LRRTM4: variants seen among roughly 807,000 people sequenced by gnomAD.
The protein encoded by LRRTM4 is leucine rich repeat transmembrane neuronal 4.
LRRTM4 carries 25 observed loss-of-function variants against 47.6 expected under a neutral mutation model. That is an observed-to-expected ratio of 0.53 (90% confidence interval 0.38 to 0.73). The LOEUF (loss-of-function observed/expected upper bound fraction) is 0.73. Ranked by LOEUF, LRRTM4 falls within the 30% of genes least tolerant of loss-of-function variation. The pLI is 0.00. For synonymous variants in LRRTM4, 311 were observed against 269.5 expected, an observed-to-expected ratio of 1.15 and a Z score of -1.51; for missense variants, 638 against 713.4, an observed-to-expected ratio of 0.89 and a Z score of 1.20.
chr2:77,113,660 G>A (rs781180504), intron 3 of LRRTM4, among the ~76,000 whole-genome samples: 6 of 152,100 alleles, frequency 3.9e-5, no homozygotes, highest in Non-Finnish European at 7.4e-5. Context: ...GAGCAGAAGA[G>A]GCAGAAGTGC....
intron 3 of LRRTM4, among the ~76,000 whole-genome samples, chr2:77,380,525 G>A (rs1488294467): frequency 6.6e-6 from 1 of 152,050 alleles, no homozygotes; most frequent in East Asian, 1.9e-4. Context: ...GGCCAGGTGT[G>A]GTGGCTCATG....
chr2:77,127,315 C>T (rs1332383223), intron 3 of LRRTM4, among the ~76,000 whole-genome samples: 7 of 151,996 alleles, frequency 4.6e-5, no homozygotes, highest in Non-Finnish European at 1.0e-4. Flanking sequence ...TCATATGGCT[C>T]CTGGTATGCA....
intron 3 of LRRTM4, among the ~76,000 whole-genome samples, chr2:77,283,737 C>A (rs1004609111): frequency 6.6e-6 from 1 of 151,938 alleles, no homozygotes; most frequent in Non-Finnish European, 1.5e-5. Flanking sequence ...ATCAAAATAC[C>A]GCATGTTCTC....
chr2:77,381,226 T>A (rs1445703328), intron 3 of LRRTM4, among the ~76,000 whole-genome samples: 2 of 152,066 alleles, frequency 1.3e-5, no homozygotes, highest in African/African-American at 4.8e-5. Context: ...ATAGGATAAA[T>A]TATTATTAAT....
At chr2:77,158,259 A>T (rs2103801140) in intron 3 of LRRTM4, among the ~76,000 whole-genome samples, 1 of 152,304 alleles carries the variant, frequency 6.6e-6, no homozygotes, top group East Asian at 1.9e-4. Flanking sequence ...TTTTACAATA[A>T]AAATGTCAAA....
intron 3 of LRRTM4, among the ~76,000 whole-genome samples, chr2:77,450,863 A>G (rs1191037557): frequency 6.6e-6 from 1 of 152,150 alleles, no homozygotes; most frequent in Non-Finnish European, 1.5e-5. Context: ...CCAACATATT[A>G]CATTCCCCAA....
chr2:77,123,816 A>T (rs2103960838), intron 3 of LRRTM4, among the ~76,000 whole-genome samples: 1 of 152,252 alleles, frequency 6.6e-6, no homozygotes, highest in East Asian at 1.9e-4. Flanking sequence ...AACTACACAA[A>T]CATAAGGCTT....
At chr2:77,380,140 C>A (rs1246262544) in intron 3 of LRRTM4, among the ~76,000 whole-genome samples, 1 of 152,070 alleles carries the variant, frequency 6.6e-6, no homozygotes. Flanking sequence ...ACTTACTTTA[C>A]AACAAGGGCA....
chr2:76,781,498 G>A (rs944646702), intron 3 of LRRTM4, among the ~76,000 whole-genome samples: 1 of 152,246 alleles, frequency 6.6e-6, no homozygotes, highest in Non-Finnish European at 1.5e-5. Context: ...CAGTATTCGG[G>A]TGGGAGTGAC....
chr2:77,467,880 T>C (rs982850152), intron 3 of LRRTM4, among the ~76,000 whole-genome samples: 13 of 152,184 alleles, frequency 8.5e-5, no homozygotes, highest in African/African-American at 2.7e-4. Context: ...AAAATATTTT[T>C]TAAAAAATAT....
intron 3 of LRRTM4, among the ~76,000 whole-genome samples, chr2:77,291,117 A>G (rs1030444722): frequency 7.3e-6 from 1 of 137,274 alleles, no homozygotes; most frequent in Non-Finnish European, 1.5e-5. Flanking sequence ...AGATTTTCTT[A>G]ATACTAGAAA....
At chr2:77,188,977 G>A (rs1673589113) in intron 3 of LRRTM4, among the ~76,000 whole-genome samples, 2 of 152,214 alleles carry the variant, frequency 1.3e-5, no homozygotes, top group East Asian at 1.9e-4. Context: ...GTTGATAGTA[G>A]TAATTTCTTC....
intron 3 of LRRTM4, among the ~76,000 whole-genome samples, chr2:76,985,796 A>G (rs1676773247): frequency 6.6e-6 from 1 of 151,998 alleles, no homozygotes; most frequent in South Asian, 2.1e-4. Context: ...CTGTTAATGT[A>G]CTACGCACGC....
intron 3 of LRRTM4, among the ~76,000 whole-genome samples, chr2:77,410,999 T>A (rs1290267413): frequency 6.6e-6 from 1 of 152,206 alleles, no homozygotes; most frequent in Non-Finnish European, 1.5e-5. Context: ...ACGAGAATCT[T>A]ATTTTCAAGA....
intron 3 of LRRTM4, among the ~76,000 whole-genome samples, chr2:76,964,826 C>T (rs1558765824): frequency 6.7e-6 from 1 of 149,608 alleles, no homozygotes; most frequent in African/African-American, 2.4e-5. Context: ...AGATAGAAGA[C>T]AAAAATTATC....
intron 3 of LRRTM4, among the ~76,000 whole-genome samples, chr2:76,968,235 AAC>A (rs1676092269): frequency 6.7e-6 from 1 of 149,680 alleles, no homozygotes; most frequent in South Asian, 2.1e-4. Flanking sequence ...TGTAAATTAA[AAC>A]AACATTGGAA....
At chr2:76,915,541 C>T (rs1674213429) in intron 3 of LRRTM4, among the ~76,000 whole-genome samples, 1 of 152,056 alleles carries the variant, frequency 6.6e-6, no homozygotes, top group Admixed American at 6.6e-5. Flanking sequence ...TTGGACCTAC[C>T]CGATGTTCTG....
At chr2:76,797,190 A>G (rs1675382749) in intron 3 of LRRTM4, among the ~76,000 whole-genome samples, 1 of 152,104 alleles carries the variant, frequency 6.6e-6, no homozygotes, top group African/African-American at 2.4e-5. Context: ...GAAATGAAGG[A>G]AAAAATGTTA....
At chr2:77,055,713 T>A (rs1679581156) in intron 3 of LRRTM4, among the ~76,000 whole-genome samples, 2 of 151,874 alleles carry the variant, frequency 1.3e-5, no homozygotes, top group Middle Eastern at 3.2e-3. Context: ...GGACTATAAA[T>A]CATGCTGCTA....
Sources: allele counts gnomAD v4.1 joint callset (sites outside exome capture counted in the v4.1 genomes callset), GRCh38; gene constraint gnomAD v4.1.1; transcripts MANE v1.5; gene names NCBI Gene and HGNC (gene_info 2026-07-23, HGNC 2026-07-21).